The following TTBK2 variants were observed in gnomAD, a reference collection of about 807,000 sequenced individuals.
The protein encoded by TTBK2 is tau tubulin kinase 2, also known as tau-tubulin kinase 2.
A neutral mutation model predicts 110.8 loss-of-function variants in TTBK2; 28 were observed. The observed-to-expected ratio is 0.25, with a 90% CI of 0.19 to 0.35. TTBK2 has a LOEUF of 0.35. Ranked by LOEUF, TTBK2 falls within the 10% of genes least tolerant of loss-of-function variation. The pLI is 1.00. For synonymous variants in TTBK2, 532 were observed against 527.3 expected, an observed-to-expected ratio of 1.01 and a Z score of -0.12; for missense variants, 1,369 against 1,500.3, an observed-to-expected ratio of 0.91 and a Z score of 1.45.
At chr15:42,799,731 C>T (rs1011263858) in intron 9 of TTBK2, among the ~76,000 whole-genome samples, 8 of 152,192 alleles carry the variant, frequency 5.3e-5, no homozygotes, top group South Asian at 2.1e-4. Context: ...CCACCGCACC[C>T]GGCCCTGCAT....
chr15:42,814,693 AC>A (rs1255574201), intron 7 of TTBK2, among the ~76,000 whole-genome samples: 6 of 152,152 alleles, frequency 3.9e-5, no homozygotes, highest in African/African-American at 1.4e-4. Context: ...TAGCTGGGAA[AC>A]CTTTTAAGTT....
intron 3 of TTBK2, 155 bp from the exon 4 acceptor site, chr15:42,840,588 T>A: frequency 1.3e-6 from 1 of 751,830 alleles, no homozygotes; most frequent in Non-Finnish European, 2.4e-6. Context: ...ATTTTCTACC[T>A]ACCTCTTCTC....
intron 1 of TTBK2, among the ~76,000 whole-genome samples, chr15:42,905,793 CT>C (rs1291780831): frequency 6.6e-6 from 1 of 152,128 alleles, no homozygotes; most frequent in East Asian, 1.9e-4. Flanking sequence ...CCTCAATTTC[CT>C]CATCTATTAA....
chr15:42,860,785 C>G (rs1331221338), intron 3 of TTBK2, among the ~76,000 whole-genome samples: 2 of 151,698 alleles, frequency 1.3e-5, no homozygotes, highest in Non-Finnish European at 2.9e-5. Context: ...CCTGCCTCAG[C>G]CTCCCAAGTG....
rs539061009 is a variant in TTBK2 at position 42,741,921 on chromosome 15, G to T, written c.*3874C>A. On this transcript the variant is annotated 3_prime_UTR_variant, in exon 15 of 15. Transcript: ENST00000267890. ...ATCTGTTTTTAATTCAAAGCTCTGG[G>T]TATAGAAAAACTAATTATGGTTTTA... 1.3e-5 allele frequency: 2 copies of T among 152,248 alleles called. No homozygotes were observed. The highest frequency in any genetic ancestry group is 4.8e-5 in the African/African-American group (2 of 41,546). 9.4% of individuals were successfully genotyped at this position (152,248 alleles called of 1,614,324 possible).
intron 10 of TTBK2, among the ~76,000 whole-genome samples, chr15:42,789,494 G>C (rs921653272): frequency 3.3e-5 from 5 of 152,168 alleles, no homozygotes; most frequent in African/African-American, 1.2e-4. Flanking sequence ...AGCACTTTGG[G>C]AGGTTGAGGC....
chr15:42,798,089 G>A (rs893366994), intron 9 of TTBK2, among the ~76,000 whole-genome samples: 3 of 151,962 alleles, frequency 2.0e-5, no homozygotes, highest in African/African-American at 7.3e-5. Flanking sequence ...TCACCATGTT[G>A]GCCAGGATGG....
At chr15:42,748,668 C>T (rs2061827078) in intron 14 of TTBK2, among the ~76,000 whole-genome samples, 3 of 152,078 alleles carry the variant, frequency 2.0e-5, no homozygotes, top group African/African-American at 7.2e-5. Flanking sequence ...CTGCCTCAGC[C>T]TCCCAAAGTG....
intron 14 of TTBK2, among the ~76,000 whole-genome samples, chr15:42,751,429 T>G: frequency 6.6e-6 from 1 of 152,232 alleles, no homozygotes. Flanking sequence ...ACCACTGAAC[T>G]GTACACTTAA....
chr15:42,839,633 T>C (rs1893139458), intron 4 of TTBK2, among the ~76,000 whole-genome samples: 1 of 152,212 alleles, frequency 6.6e-6, no homozygotes, highest in African/African-American at 2.4e-5. Flanking sequence ...TTTTTAATAA[T>C]AGTCATTCTG....
chr15:42,868,862 AAAATAAATAAATAAAT>A (rs138092138), intron 3 of TTBK2, among the ~76,000 whole-genome samples: 2,515 of 146,196 alleles, frequency 0.017, 39 homozygotes, highest in Non-Finnish European at 0.025. Flanking sequence ...CCTTGTCTCA[AAAATAAATAAATAAAT>A]AAATAAATAA....
Position 42,746,125 on chromosome 15 carries a change from G to A in TTBK2, c.3405C>T (p.His1135=), listed in dbSNP as rs1328073991. The A allele has an allele frequency of 5.6e-6, 9 of 1,614,160 alleles. No individual in the cohort carries two copies. The highest frequency in any genetic ancestry group is 6.8e-6 in the Non-Finnish European group (8 of 1,180,034). Residue 1135 remains histidine, a synonymous_variant, in exon 15 of 15, where the codon CAC becomes CAT. Transcript: ENST00000267890. Reference sequence around the variant, plus strand: ...GACTCTTGGGTGGTGTTTTTGGATTGTGAGGAGATCCTGGACTCTTGCACT... The same window carrying A: ...GACTCTTGGGTGGTGTTTTTGGATTATGAGGAGATCCTGGACTCTTGCACT... ...TTQCKSPGSP[H]NPKTPPKSPV...
chr15:42,844,861 A>C (rs1247249610), intron 3 of TTBK2, among the ~76,000 whole-genome samples: 2 of 152,356 alleles, frequency 1.3e-5, no homozygotes, highest in Non-Finnish European at 2.9e-5. Flanking sequence ...AAGGGAAAGA[A>C]AGACTGTGAC....
At position 42,865,704 on chromosome 15, in the gene TTBK2, T is replaced by A. The variant is rs111249336; in HGVS notation, c.217+6907A>T. 4.6e-5 allele frequency among the ~76,000 whole-genome samples: 7 copies of A among 151,986 alleles called. 2 individuals are homozygous for A. Among genetic ancestry groups the A allele is most frequent in the African/African-American group, 1.7e-4 (7 of 41,460 alleles). On this transcript the variant is annotated intron_variant, in intron 3 of 14. Transcript: ENST00000267890. ...TAGGCATGGCAGCACAGACCTGTAG[T>A]CCCAGTTACTCAGGAAGCCAAAGCA... is the stretch of plus-strand genomic sequence containing the variant.
chr15:42,869,232 C>T (rs1250854891), intron 3 of TTBK2, among the ~76,000 whole-genome samples: 3 of 151,856 alleles, frequency 2.0e-5, no homozygotes, highest in Non-Finnish European at 2.9e-5. Context: ...AGATGACAGG[C>T]GCACGCCACC....
chr15:42,843,703 G>A (rs1346731103), intron 3 of TTBK2, among the ~76,000 whole-genome samples: 1 of 144,212 alleles, frequency 6.9e-6, no homozygotes, highest in East Asian at 2.1e-4. Flanking sequence ...AGGCTGCAGT[G>A]AGCCAAGATT....
chr15:42,889,775 C>T (rs536648515), intron 1 of TTBK2, among the ~76,000 whole-genome samples: 1 of 152,122 alleles, frequency 6.6e-6, no homozygotes, highest in Admixed American at 6.6e-5. Flanking sequence ...AATATCACTC[C>T]TTACCCCAAT....
intron 1 of TTBK2, among the ~76,000 whole-genome samples, chr15:42,891,230 G>T (rs1471034982): frequency 6.8e-6 from 1 of 146,838 alleles, no homozygotes; most frequent in Non-Finnish European, 1.5e-5. Flanking sequence ...CGGCTGGAGT[G>T]CAGTGGTGCA....
intron 13 of TTBK2, among the ~76,000 whole-genome samples, chr15:42,756,949 T>G (rs1367597754): frequency 3.3e-5 from 5 of 152,144 alleles, no homozygotes; most frequent in African/African-American, 9.7e-5. Context: ...GGGAGAATTT[T>G]TCTTGAAAAG....
Sources: gnomAD v4.1 joint callset for allele counts (sites outside exome capture counted in the v4.1 genomes callset) on GRCh38, gnomAD v4.1.1 for gene constraint, MANE v1.5 for transcripts, NCBI Gene and HGNC (gene_info 2026-07-23, HGNC 2026-07-21) for gene names.